ARL13B: variants seen among roughly 807,000 people sequenced by gnomAD.
ARL13B encodes ARF like GTPase 13B, also known as ADP-ribosylation factor-like protein 13B.
Under a neutral mutation model 56.1 loss-of-function variants are expected in ARL13B, and 36 were observed. The ratio of observed to expected loss-of-function variants is 0.64; its 90% confidence interval spans 0.49 to 0.85. ARL13B has a LOEUF of 0.85. Ranked by LOEUF, ARL13B falls within the 40% of genes least tolerant of loss-of-function variation. ARL13B has a pLI of 0.00. For missense variants in ARL13B, 519 were observed against 507.1 expected (o/e 1.02, Z -0.23); for synonymous variants, 178 against 171.1 (o/e 1.04, Z -0.32).
intron 3 of ARL13B, among the ~76,000 whole-genome samples, chr3:94,018,862 T>A (rs1264446655): frequency 3.3e-5 from 5 of 151,904 alleles, no homozygotes; most frequent in Non-Finnish European, 7.4e-5. Flanking sequence ...GCCGTCCGGG[T>A]TCAAGCAATT....
chr3:93,992,033 A>G lies in ARL13B; in HGVS notation c.60-3841A>G, dbSNP rs1345987676. On this transcript the variant is annotated intron_variant, in intron 1 of 9. Coordinates refer to ENST00000394222, the MANE Select transcript of ARL13B (RefSeq NM_001174150.2). ...AGTCTCAACACTATTATAATTCTCT[A>G]AAGTGATTTTCTTCTTTGAAGGACA... Among the ~76,000 whole-genome samples the G allele has an allele frequency of 1.2e-4, 18 of 152,202 alleles. 1 individual carries two copies. Among genetic ancestry groups the G allele is most frequent in the East Asian group, 3.8e-4 (2 of 5,206 alleles).
intron 2 of ARL13B, among the ~76,000 whole-genome samples, chr3:94,000,637 G>A (rs1242022193): frequency 5.3e-5 from 8 of 151,708 alleles, no homozygotes; most frequent in Non-Finnish European, 1.2e-4. Flanking sequence ...GTGTGTGTGT[G>A]TATATGTATA....
Position 94,036,685 on chromosome 3 carries a change from A to C in ARL13B, c.620A>C (p.Glu207Ala). ...GAACGCATCCAAAAAGAGACAACAGAGCAGCGTGCTCTTGAGGAACAAGAG... is the reference window on the plus strand; with the variant it reads ...GAACGCATCCAAAAAGAGACAACAGCGCAGCGTGCTCTTGAGGAACAAGAG... ...LNERIQKETT[E>A]QRALEEQEKQ... Residue 207 changes from glutamate (E) to alanine (A), a missense_variant, in exon 5 of 10, where the codon GAG becomes GCG. Transcript: ENST00000394222. 6.2e-7 allele frequency: 1 copy of C among 1,614,136 alleles called. No homozygotes were observed. Among genetic ancestry groups the C allele is most frequent in the Non-Finnish European group, 8.5e-7 (1 of 1,180,006 alleles).
At chr3:94,031,033 C>T (rs966318177) in intron 3 of ARL13B, among the ~76,000 whole-genome samples, 6 of 151,816 alleles carry the variant, frequency 4.0e-5, no homozygotes, top group Non-Finnish European at 8.8e-5. Flanking sequence ...AAAAAAAGAA[C>T]GTTCGAACAC....
chr3:93,996,054 G>T, intron 2 of ARL13B, 110 bp downstream of exon 2: 1 of 1,070,272 alleles, frequency 9.3e-7, no homozygotes, highest in Non-Finnish European at 1.4e-6. Context: ...ACTGTGCACT[G>T]CATTACTTTA....
intron 2 of ARL13B, among the ~76,000 whole-genome samples, chr3:94,001,384 A>G (rs1376630814): frequency 1.3e-5 from 2 of 152,160 alleles, no homozygotes; most frequent in African/African-American, 4.8e-5. Flanking sequence ...CCATCATTTT[A>G]TCTGTACTTA....
intron 3 of ARL13B, among the ~76,000 whole-genome samples, chr3:94,024,040 T>C (rs1413474038): frequency 1.3e-5 from 2 of 152,254 alleles, no homozygotes; most frequent in African/African-American, 4.8e-5. Context: ...GATATTCTTA[T>C]ATTTTCTTCT....
chr3:94,021,264 G>A (rs958524444), intron 3 of ARL13B, among the ~76,000 whole-genome samples: 1 of 151,256 alleles, frequency 6.6e-6, no homozygotes, highest in African/African-American at 2.4e-5. Flanking sequence ...CATGATCTCA[G>A]CTCACTGCAA....
At chr3:94,021,629 A>G (rs754371773) in intron 3 of ARL13B, among the ~76,000 whole-genome samples, 3 of 152,208 alleles carry the variant, frequency 2.0e-5, no homozygotes, top group Non-Finnish European at 4.4e-5. Context: ...ATGTTTTATT[A>G]TATACATCTG....
Position 93,995,922 on chromosome 3 carries a change from A to T in ARL13B, c.108A>T (p.Ala36=). 1 of 1,613,498 alleles carries T rather than the reference A, an allele frequency of 6.2e-7. No individual in the cohort carries two copies. Among genetic ancestry groups the T allele is most frequent in the Non-Finnish European group, 8.5e-7 (1 of 1,179,656 alleles). Residue 36 remains alanine (A), a synonymous_variant, in exon 2 of 10, where the codon GCA becomes GCT. Transcript: ENST00000394222. ...MVGLDNAGKT[A]TAKGIQGEYP... ...GACTTGATAATGCTGGTAAAACCGCAACAGCAAAGGGAATCCAAGGAGGTA... is the reference window on the plus strand; with the variant it reads ...GACTTGATAATGCTGGTAAAACCGCTACAGCAAAGGGAATCCAAGGAGGTA...
At chr3:93,988,785 C>CTTT in intron 1 of ARL13B, 1 of 336,206 alleles carries the variant, frequency 3.0e-6, no homozygotes. Flanking sequence ...CATTTGTTTG[C>CTTT]ATTTTTTTTT....
intron 3 of ARL13B, among the ~76,000 whole-genome samples, chr3:94,033,685 A>G (rs28479320): frequency 0.063 from 9,613 of 152,232 alleles, 610 homozygotes; most frequent in African/African-American, 0.16. Context: ...TTTATTTTGG[A>G]TGGATCAGGC....
At chr3:93,992,886 C>T (rs1384161289) in intron 1 of ARL13B, among the ~76,000 whole-genome samples, 1 of 151,978 alleles carries the variant, frequency 6.6e-6, no homozygotes, top group Non-Finnish European at 1.5e-5. Context: ...CTCTACCTCC[C>T]AGGTTCAATC....
chr3:94,010,457 A>C (rs2076205181), intron 3 of ARL13B, among the ~76,000 whole-genome samples: 1 of 152,144 alleles, frequency 6.6e-6, no homozygotes, highest in Admixed American at 6.6e-5. Context: ...AGTAGTTATG[A>C]ATATGAGCTT....
chr3:94,000,333 C>T (rs1308646014), intron 2 of ARL13B, among the ~76,000 whole-genome samples: 3 of 151,994 alleles, frequency 2.0e-5, no homozygotes, highest in Non-Finnish European at 2.9e-5. Context: ...TCATGGCCAC[C>T]CCTTGCTGCC....
intron 3 of ARL13B, among the ~76,000 whole-genome samples, chr3:94,014,150 G>A (rs2076278446): frequency 6.6e-6 from 1 of 152,146 alleles, no homozygotes; most frequent in Admixed American, 6.5e-5. Context: ...TAGTTAATTT[G>A]TGAGTTGATG....
At chr3:94,014,421 C>G in intron 3 of ARL13B, 1 of 1,575,370 alleles carries the variant, frequency 6.3e-7, no homozygotes. Context: ...ACCAACAACA[C>G]AGTACTCTGC....
intron 1 of ARL13B, among the ~76,000 whole-genome samples, chr3:93,986,566 A>G (rs1397442385): frequency 1.3e-5 from 2 of 152,144 alleles, no homozygotes; most frequent in African/African-American, 2.4e-5. Flanking sequence ...AATTTGCTTC[A>G]TGTAGTTTTA....
rs2077031591 is a variant in ARL13B at position 94,049,324 on chromosome 3, ATT to A, written c.1025-81_1025-80del. The A allele has an allele frequency of 7.6e-6, 6 of 790,256 alleles. No homozygotes were observed. In the East Asian group the frequency reaches 1.6e-4, roughly 21 times the overall value. The allele number at this position is 790,256 out of a possible 1,614,324, so 49.0% of individuals were successfully genotyped here. On this transcript the variant is annotated intron_variant, in intron 7 of 9. Coordinates refer to ENST00000394222, the MANE Select transcript of ARL13B (RefSeq NM_001174150.2). Reference sequence around the variant, plus strand: ...GATGTTTTTTGTTAATAATATCAGTATTCTTGTTGTATTCTTTGTTTTCTATT... The same window carrying A: ...GATGTTTTTTGTTAATAATATCAGTACTTGTTGTATTCTTTGTTTTCTATT...
Sources: allele counts gnomAD v4.1 joint callset (sites outside exome capture counted in the v4.1 genomes callset), GRCh38; gene constraint gnomAD v4.1.1; transcripts MANE v1.5; gene names NCBI Gene and HGNC (gene_info 2026-07-23, HGNC 2026-07-21).